Variants in DCTN2 observed in about 807,000 individuals in gnomAD.
The protein encoded by DCTN2 is 50 kDa dynein-associated polypeptide.
A neutral mutation model predicts 55.4 loss-of-function variants in DCTN2; 18 were observed. The observed-to-expected ratio is 0.32, with a 90% CI of 0.22 to 0.48. The LOEUF (loss-of-function observed/expected upper bound fraction) is 0.48, where lower values mean the gene tolerates loss of function less well. Ranked by LOEUF, DCTN2 falls within the 20% of genes least tolerant of loss-of-function variation. DCTN2 has a pLI of 0.99. For synonymous variants in DCTN2, 168 were observed against 185.2 expected (o/e 0.91, Z 0.76); for missense variants, 390 against 491.0 (o/e 0.79, Z 1.94).
intron 2 of DCTN2, among the ~76,000 whole-genome samples, chr12:57,541,548 G>C (rs950326815): frequency 3.9e-5 from 6 of 152,164 alleles, no homozygotes; most frequent in African/African-American, 1.4e-4. Context: ...CTACCTTTTG[G>C]AGAAATGAAG....
rs1235260186 is a variant in DCTN2 at position 57,547,159 on chromosome 12, C to A, written c.-96G>T. 2.8e-6 allele frequency: 3 copies of A among 1,087,810 alleles called. No individual in the cohort carries two copies. The highest frequency in any genetic ancestry group is 3.5e-6 in the Non-Finnish European group (3 of 845,106). 67.4% of individuals were successfully genotyped at this position (1,087,810 alleles called of 1,614,324 possible). On this transcript the variant is annotated 5_prime_UTR_variant, in exon 1 of 14. Transcript: ENST00000548249. ...GCTGGGTTCGGGTCCCGGGCTAAGGCGGCGGCAAAGGGAGCGGCAGATGAG... is the reference window on the plus strand; with the variant it reads ...GCTGGGTTCGGGTCCCGGGCTAAGGAGGCGGCAAAGGGAGCGGCAGATGAG...
intron 2 of DCTN2, chr12:57,538,379 A>T: frequency 1.5e-6 from 1 of 678,220 alleles, no homozygotes. Flanking sequence ...GTATAATTAC[A>T]GTGACTTGTG....
rs1276452862 is a variant in DCTN2 at position 57,534,023 on chromosome 12, G to T, written c.599C>A (p.Pro200Gln). The change falls in exon 7 of 14, where the codon CCA becomes CAA. Residue 200 changes from proline (P) to glutamine (Q), a missense_variant. Around this residue, in one of 2 missense-constraint regions of DCTN2, gnomAD observed 273 missense variants for 303.2 expected, o/e 0.90. Coordinates refer to ENST00000548249, the MANE Select transcript of DCTN2 (RefSeq NM_001261413.2). ...TTCATAAGTGACAAGGCTGCTATCT[G>T]GGGGGGTCCCAGTGGTTTTTCCCCC... ...GSGGKTTGTP[P>Q]DSSLVTYELH... The T allele has an allele frequency of 3.7e-6, 6 of 1,612,618 alleles. No individual in the cohort carries two copies. Among genetic ancestry groups the T allele is most frequent in the South Asian group, 1.1e-5 (1 of 90,874 alleles).
intron 2 of DCTN2, among the ~76,000 whole-genome samples, chr12:57,544,425 T>C (rs985236384): frequency 4.0e-5 from 6 of 151,460 alleles, no homozygotes; most frequent in African/African-American, 1.2e-4. Flanking sequence ...ACTGGTTTTT[T>C]TTTTTTTGAG....
intron 2 of DCTN2, 139 bp from the exon 3 acceptor site, chr12:57,535,984 G>T: frequency 1.5e-6 from 1 of 661,522 alleles, no homozygotes. Flanking sequence ...ATTCCAAGGC[G>T]CCTACCCAGG....
At chr12:57,538,635 A>G in intron 2 of DCTN2, 1 of 686,170 alleles carries the variant, frequency 1.5e-6, no homozygotes, top group Non-Finnish European at 2.7e-6. Context: ...GCAAATTGTC[A>G]CATGCACTAC....
intron 7 of DCTN2, 63 bp from the exon 8 acceptor site, chr12:57,533,366 C>T (rs919588644): frequency 1.1e-5 from 16 of 1,449,862 alleles, no homozygotes; most frequent in South Asian, 4.6e-5. Flanking sequence ...GGGAGGAATA[C>T]GATCCTGCTC....
At chr12:57,535,299 T>C in intron 4 of DCTN2, 145 bp from the exon 5 acceptor site, 2 of 979,082 alleles carry the variant, frequency 2.0e-6, no homozygotes, top group South Asian at 1.6e-5. Flanking sequence ...TGAGGACAGC[T>C]AGAGGGCTGG....
Position 57,532,793 on chromosome 12 carries a change from C to T in DCTN2, c.792G>A (p.Leu264=). 1 of 1,613,984 alleles carries T rather than the reference C, an allele frequency of 6.2e-7. No homozygotes were observed. The highest frequency in any genetic ancestry group is 8.5e-7 in the Non-Finnish European group (1 of 1,179,894). ...GACLMETVEL[L]QAKVSALDLA... ...GGTCTAGGGCGCTCACCTTTGCTTG[C>T]AACAGCTCTACAGTCTCCTGGGGAT... The change falls in exon 10 of 14, where the codon TTG becomes TTA. Residue 264 remains leucine, a synonymous_variant. Coordinates refer to ENST00000548249, the MANE Select transcript of DCTN2 (RefSeq NM_001261413.2).
At chr12:57,534,608 GGA>G in intron 5 of DCTN2, 156 bp from the exon 6 acceptor site, 2 of 628,906 alleles carry the variant, frequency 3.2e-6, no homozygotes. Flanking sequence ...GCATACAGAT[GGA>G]TGCATATTTG....
intron 5 of DCTN2, chr12:57,534,851 G>C: frequency 2.1e-6 from 1 of 485,038 alleles, no homozygotes; most frequent in Non-Finnish European, 3.7e-6. Flanking sequence ...TATTTTTTTA[G>C]TACAGATGGG....
intron 3 of DCTN2, 77 bp from the exon 4 acceptor site, chr12:57,535,622 T>G (rs1880167647): frequency 6.4e-7 from 1 of 1,555,532 alleles, no homozygotes. Context: ...CTGTGAGGGC[T>G]TCCATAAAAT....
chr12:57,536,208 C>T (rs1227663832), intron 2 of DCTN2: 1 of 235,476 alleles, frequency 4.2e-6, no homozygotes, highest in Non-Finnish European at 8.3e-6. Flanking sequence ...ACCTCCCCCT[C>T]CCAAAAGTAA....
Position 57,534,048 on chromosome 12 carries a change from CT to C in DCTN2, c.573del (p.Gly193GlufsTer39), listed in dbSNP as rs1239448793. 4 of 1,613,074 alleles carry C rather than the reference CT, an allele frequency of 2.5e-6. No homozygotes were observed. Among genetic ancestry groups the C allele is most frequent in the Admixed American group, 1.7e-5 (1 of 59,852 alleles). ...GGGGGGGTCCCAGTGGTTTTTCCCC[CT>C]GATCCCCCTTTGCTGTTCTTTGTTG... ...LEATKNSKGG[S>X]GGKTTGTPPD... On this transcript the variant is annotated frameshift_variant, in exon 7 of 14. Coordinates refer to ENST00000548249, the MANE Select transcript of DCTN2 (RefSeq NM_001261413.2). LOFTEE classifies it high-confidence loss of function.
intron 2 of DCTN2, among the ~76,000 whole-genome samples, chr12:57,544,318 C>A (rs188901971): frequency 1.5e-3 from 229 of 152,232 alleles, no homozygotes; most frequent in Non-Finnish European, 2.2e-3. Context: ...TACTTTGAAT[C>A]ATCTCTAGAT....
At chr12:57,535,323 C>CA in intron 4 of DCTN2, 161 bp downstream of exon 4, 1 of 1,071,024 alleles carries the variant, frequency 9.3e-7, no homozygotes, top group Non-Finnish European at 1.4e-6. Flanking sequence ...CTCTCCAGAA[C>CA]AAACAGCAGT....
chr12:57,542,250 T>C (rs113519939), intron 2 of DCTN2, among the ~76,000 whole-genome samples: 169 of 151,548 alleles, frequency 1.1e-3, no homozygotes, highest in Middle Eastern at 3.4e-3. Context: ...CACTCCAGCC[T>C]GGGCAAAAAG....
At chr12:57,543,248 C>T in intron 2 of DCTN2, 1 of 348,350 alleles carries the variant, frequency 2.9e-6, no homozygotes, top group Non-Finnish European at 5.6e-6. Context: ...ACTCGGGAGG[C>T]TAAGGCAGGA....
At chr12:57,530,897 G>C (rs1253436275) in intron 13 of DCTN2, 122 bp from the exon 14 acceptor site, 9 of 863,728 alleles carry the variant, frequency 1.0e-5, no homozygotes, top group East Asian at 4.9e-5. Context: ...GGCCACAGAG[G>C]GGGGATGTTT....
Sources: gnomAD v4.1 joint callset for allele counts (sites outside exome capture counted in the v4.1 genomes callset) on GRCh38, gnomAD v4.1.1 for gene constraint, gnomAD v4.1.1 regional missense constraint, MANE v1.5 for transcripts, NCBI Gene and HGNC (gene_info 2026-07-23, HGNC 2026-07-21) for gene names.